Variants in PRKG1 observed in about 807,000 individuals in gnomAD.
PRKG1 encodes the protein cGMP-dependent protein kinase 1.
A neutral mutation model predicts 88.1 loss-of-function variants in PRKG1; 35 were observed. The ratio of observed to expected loss-of-function variants is 0.40; its 90% CI spans 0.30 to 0.53. PRKG1 has a LOEUF of 0.53. Among genes scored for constraint, PRKG1 ranks in the 20% least tolerant of loss-of-function variants. PRKG1 has a pLI of 0.59. For synonymous variants in PRKG1, 303 were observed against 292.5 expected (o/e 1.04, Z -0.37); for missense variants, 540 against 839.8 (o/e 0.64, Z 4.41).
chr10:51,001,168 G>A (rs1282031942), intron 1 of PRKG1, among the ~76,000 whole-genome samples: 1 of 152,192 alleles, frequency 6.6e-6, no homozygotes, highest in Non-Finnish European at 1.5e-5. Context: ...TGGCTGAAGA[G>A]GCCAGCCTAG....
chr10:52,063,593 G>A (rs541967245), intron 7 of PRKG1, among the ~76,000 whole-genome samples: 20 of 152,304 alleles, frequency 1.3e-4, no homozygotes, highest in African/African-American at 3.1e-4. Context: ...ACCTGTGACC[G>A]GGAAGAATGT....
intron 1 of PRKG1, among the ~76,000 whole-genome samples, chr10:51,014,799 G>T (rs1412913811): frequency 6.6e-6 from 1 of 152,124 alleles, no homozygotes. Flanking sequence ...CAGATGAAGG[G>T]CTGAGAAAGC....
At chr10:51,392,738 G>C (rs1296119733) in intron 2 of PRKG1, among the ~76,000 whole-genome samples, 3 of 142,676 alleles carry the variant, frequency 2.1e-5, no homozygotes, top group East Asian at 2.0e-4. Context: ...CCTCCCGGAC[G>C]GGGCGGCTGG....
At chr10:51,439,225 T>A (rs1170827697) in intron 2 of PRKG1, among the ~76,000 whole-genome samples, 1 of 151,896 alleles carries the variant, frequency 6.6e-6, no homozygotes, top group Non-Finnish European at 1.5e-5. Context: ...GATACGCATG[T>A]CTTACAATTA....
chr10:51,410,385 C>T (rs766378295), intron 2 of PRKG1, among the ~76,000 whole-genome samples: 6 of 151,588 alleles, frequency 4.0e-5, no homozygotes, highest in Non-Finnish European at 7.4e-5. Context: ...ACTCCGAGTC[C>T]CAAAACTGAA....
chr10:52,043,363 A>G (rs929742244), intron 5 of PRKG1, among the ~76,000 whole-genome samples: 1 of 152,140 alleles, frequency 6.6e-6, no homozygotes, highest in African/African-American at 2.4e-5. Context: ...TGTGGAATAT[A>G]TACACAATGA....
chr10:51,387,335 AAT>A (rs1837277578), intron 2 of PRKG1, among the ~76,000 whole-genome samples: 2 of 148,840 alleles, frequency 1.3e-5, no homozygotes, highest in African/African-American at 4.9e-5. Flanking sequence ...AATAAGTTTA[AAT>A]ATGTAAATAT....
At chr10:51,409,361 T>A (rs1838012083) in intron 2 of PRKG1, among the ~76,000 whole-genome samples, 1 of 152,152 alleles carries the variant, frequency 6.6e-6, no homozygotes, top group Non-Finnish European at 1.5e-5. Context: ...AACTTACTTC[T>A]GCCTTCAGGA....
chr10:52,177,749 C>T (rs1838902998), intron 9 of PRKG1, among the ~76,000 whole-genome samples: 1 of 151,892 alleles, frequency 6.6e-6, no homozygotes, highest in Non-Finnish European at 1.5e-5. Context: ...AGGAATTTAT[C>T]CATTTTCTCT....
In PRKG1 at chr10:51,631,728, C is replaced by T. The variant is rs141488093; in HGVS notation, c.592+163892C>T. Among the ~76,000 whole-genome samples the T allele has an allele frequency of 2.1e-4, 32 of 152,290 alleles. No homozygotes were observed. The East Asian group carries it at 4.2e-3, about 20-fold the overall frequency. On this transcript the variant is annotated intron_variant, in intron 3 of 17. Transcript: ENST00000373980. ...AGTGTGCAGTTCACAATAGCGTTCG[C>T]GCTCCTGTGAGAACTAATGCTGCTG...
At chr10:52,039,121 G>A (rs912921547) in intron 5 of PRKG1, among the ~76,000 whole-genome samples, 6 of 152,132 alleles carry the variant, frequency 3.9e-5, no homozygotes, top group African/African-American at 1.2e-4. Context: ...TTTCATGCAC[G>A]TCCGTGTGAA....
intron 9 of PRKG1, among the ~76,000 whole-genome samples, chr10:52,245,752 TA>T (rs1407041645): frequency 8.8e-3 from 41 of 4,658 alleles, no homozygotes; most frequent in Admixed American, 0.013. Context: ...AACACCATTT[TA>T]TTTATTTATT....
chr10:51,815,333 G>A (rs181408376), intron 4 of PRKG1, among the ~76,000 whole-genome samples: 19 of 152,310 alleles, frequency 1.2e-4, no homozygotes, highest in African/African-American at 4.3e-4. Context: ...GCATCTGGGA[G>A]TGAGTTCTTT....
chr10:51,249,921 T>C (rs1839386345), intron 2 of PRKG1, among the ~76,000 whole-genome samples: 1 of 151,866 alleles, frequency 6.6e-6, no homozygotes, highest in Admixed American at 6.6e-5. Flanking sequence ...TAAGTGCCTT[T>C]AAAAGCGTAA....
chr10:51,346,453 G>T (rs1337095011), intron 2 of PRKG1, among the ~76,000 whole-genome samples: 1 of 152,144 alleles, frequency 6.6e-6, no homozygotes, highest in Non-Finnish European at 1.5e-5. Flanking sequence ...AAGAAATTAA[G>T]ATTTTTATCT....
chr10:51,299,184 G>A (rs1033175774), intron 2 of PRKG1, among the ~76,000 whole-genome samples: 9 of 151,802 alleles, frequency 5.9e-5, no homozygotes, highest in African/African-American at 2.2e-4. Flanking sequence ...ATCTCTTTTT[G>A]CCCATTCTTT....
chr10:51,420,958 A>G (rs1205846378), intron 2 of PRKG1, among the ~76,000 whole-genome samples: 1 of 152,184 alleles, frequency 6.6e-6, no homozygotes, highest in Non-Finnish European at 1.5e-5. Flanking sequence ...ACTATCACAT[A>G]GACAGCATCA....
intron 4 of PRKG1, among the ~76,000 whole-genome samples, chr10:51,851,160 G>T (rs1352682721): frequency 6.6e-6 from 1 of 152,084 alleles, no homozygotes; most frequent in Non-Finnish European, 1.5e-5. Context: ...AAGGTAATAT[G>T]CTACCTTTTG....
intron 3 of PRKG1, among the ~76,000 whole-genome samples, chr10:51,634,471 A>G (rs1839605513): frequency 6.6e-6 from 1 of 152,120 alleles, no homozygotes; most frequent in African/African-American, 2.4e-5. Flanking sequence ...AAGATACATC[A>G]TCTGATCTGA....
Sources: allele counts gnomAD v4.1 joint callset (sites outside exome capture counted in the v4.1 genomes callset), GRCh38; gene constraint gnomAD v4.1.1; transcripts MANE v1.5; gene names NCBI Gene and HGNC (gene_info 2026-07-23, HGNC 2026-07-21).